PRKN: variants seen among roughly 807,000 people sequenced by gnomAD.
The protein encoded by PRKN is parkin RBR E3 ubiquitin protein ligase.
A neutral mutation model predicts 59.5 loss-of-function variants in PRKN; 56 were observed. The observed-to-expected ratio is 0.94, with a 90% CI of 0.76 to 1.18. PRKN has a LOEUF of 1.18. Ranked by LOEUF, PRKN falls within the 50% of genes most tolerant of loss-of-function variation. The pLI, the probability that PRKN is intolerant of heterozygous loss-of-function variation, is 0.00. For missense variants in PRKN, 657 were observed against 596.4 expected, an observed-to-expected ratio of 1.10 and a Z score of -1.06; for synonymous variants, 250 against 222.1, an observed-to-expected ratio of 1.13 and a Z score of -1.12.
chr6:162,656,076 T>C (rs1778628952), intron 1 of PRKN, among the ~76,000 whole-genome samples: 1 of 152,142 alleles, frequency 6.6e-6, no homozygotes, highest in East Asian at 1.9e-4. Context: ...TAAATGCTAA[T>C]CTACATTCAA....
intron 5 of PRKN, among the ~76,000 whole-genome samples, chr6:161,975,936 C>T (rs755340367): frequency 6.6e-6 from 1 of 152,008 alleles, no homozygotes; most frequent in Non-Finnish European, 1.5e-5. Flanking sequence ...GACAGAGTCT[C>T]ACTCTATCGC....
At chr6:162,401,420 T>C (rs535467515) in intron 2 of PRKN, among the ~76,000 whole-genome samples, 1 of 152,276 alleles carries the variant, frequency 6.6e-6, no homozygotes, top group Admixed American at 6.5e-5. Context: ...CTATGGCATA[T>C]CATAGCTTAC....
At chr6:161,565,956 C>G (rs933324275) in intron 8 of PRKN, among the ~76,000 whole-genome samples, 1 of 152,162 alleles carries the variant, frequency 6.6e-6, no homozygotes, top group Non-Finnish European at 1.5e-5. Context: ...AAGCCCATGC[C>G]TACATCCAAG....
intron 1 of PRKN, among the ~76,000 whole-genome samples, chr6:162,517,669 T>C (rs1777922586): frequency 1.3e-5 from 2 of 152,130 alleles, no homozygotes; most frequent in Non-Finnish European, 2.9e-5. Context: ...CTAATCTTAG[T>C]TCAAGAGCCT....
chr6:161,705,145 C>T (rs954445186), intron 7 of PRKN, among the ~76,000 whole-genome samples: 2 of 152,140 alleles, frequency 1.3e-5, no homozygotes, highest in Non-Finnish European at 2.9e-5. Flanking sequence ...CTCAGATCCT[C>T]AACTATATAT....
chr6:161,811,081 T>C (rs1029809961), intron 6 of PRKN, among the ~76,000 whole-genome samples: 1 of 152,180 alleles, frequency 6.6e-6, no homozygotes, highest in Non-Finnish European at 1.5e-5. Flanking sequence ...TTTAAAGAAC[T>C]AGACAAACTA....
chr6:161,984,909 C>T lies in PRKN; in HGVS notation c.619-11492G>A, dbSNP rs1048406742. ...GACCCTGCTGGCCAGATGAAGCAGC[C>T]CTCCCTGACCTCTGACTCATTCCTG... On this transcript the variant is annotated intron_variant, in intron 5 of 11. Transcript: ENST00000366898. 2.0e-5 allele frequency among the ~76,000 whole-genome samples: 3 copies of T among 152,128 alleles called. No homozygotes were observed. The South Asian group carries it at 6.2e-4, about 32-fold the overall frequency.
intron 4 of PRKN, among the ~76,000 whole-genome samples, chr6:162,076,505 A>G (rs1211315053): frequency 1.3e-5 from 2 of 151,936 alleles, no homozygotes; most frequent in Non-Finnish European, 2.9e-5. Context: ...CTTTCCCCCG[A>G]TTGTGTTATA....
chr6:162,330,660 T>C lies in PRKN; in HGVS notation c.172-67895A>G, dbSNP rs573670824. Among the ~76,000 whole-genome samples the C allele has an allele frequency of 3.3e-5, 5 of 152,346 alleles. 1 individual carries two copies. The East Asian group carries it at 7.7e-4, about 24-fold the overall frequency. ...AAACTAAACAGGTAGTGCTTTCACA[T>C]GCCACTAGAGATTTCCTTCTACTTC... On this transcript the variant is annotated intron_variant, in intron 2 of 11. Coordinates refer to ENST00000366898, the MANE Select transcript of PRKN (RefSeq NM_004562.3).
chr6:162,635,081 T>C (rs1777656975), intron 1 of PRKN, among the ~76,000 whole-genome samples: 1 of 152,202 alleles, frequency 6.6e-6, no homozygotes, highest in South Asian at 2.1e-4. Context: ...AAGAACAAAG[T>C]ATCTTTTTAC....
chr6:161,464,353 T>C (rs1052777328), intron 9 of PRKN, among the ~76,000 whole-genome samples: 1 of 152,230 alleles, frequency 6.6e-6, no homozygotes, highest in African/African-American at 2.4e-5. Flanking sequence ...GGAAAACTGA[T>C]GGAGTTGGCC....
At position 162,519,364 on chromosome 6, in the gene PRKN, T is replaced by C. The variant is rs138578989; in HGVS notation, c.8-75891A>G. Among the ~76,000 whole-genome samples, 607 of 152,270 alleles carry C rather than the reference T, an allele frequency of 4.0e-3. 4 individuals carry two copies. Among genetic ancestry groups the C allele is most frequent in the Non-Finnish European group, 5.9e-3 (403 of 68,016 alleles). On this transcript the variant is annotated intron_variant, in intron 1 of 11. Transcript: ENST00000366898. The stretch of plus-strand genomic sequence containing the variant: ...CTTGAGCGCTAGTGTGTCAAATCAA[T>C]TGAGCATTCAGGGCTCTGGGCCAGT...
In PRKN at chr6:162,521,655, A is replaced by G. The variant is rs544089100; in HGVS notation, c.8-78182T>C. Among the ~76,000 whole-genome samples the G allele has an allele frequency of 4.6e-5, 7 of 152,272 alleles. No individual in the cohort carries two copies. The East Asian group carries it at 1.4e-3, about 29-fold the overall frequency. ...AATTCCATATATTTACATTATAAGC[A>G]TATTATATATGTGTGTATGTGTATA... On this transcript the variant is annotated intron_variant, in intron 1 of 11. Coordinates refer to ENST00000366898, the MANE Select transcript of PRKN (RefSeq NM_004562.3).
rs1781291506 is a variant in PRKN, at chr6:161,982,353, C to T, written c.619-8936G>A. Among the ~76,000 whole-genome samples the T allele has an allele frequency of 2.3e-5, 3 of 128,770 alleles. 1 individual carries two copies. The Admixed American group carries it at 2.4e-4, about 10-fold the overall frequency. 84.5% of individuals were successfully genotyped at this position (128,770 alleles called of 152,430 possible). A position where few individuals can be genotyped will look rare whatever the true frequency, so the allele number is the denominator to read the frequency against. On this transcript the variant is annotated intron_variant, in intron 5 of 11. Coordinates refer to ENST00000366898, the MANE Select transcript of PRKN (RefSeq NM_004562.3). ...CCCAAGGTAATTTACAGATTCAATG[C>T]CATCCCCATCAAGCTACCAATGACT... is the stretch of plus-strand genomic sequence containing the variant.
intron 4 of PRKN, among the ~76,000 whole-genome samples, chr6:162,143,497 C>T (rs754631200): frequency 6.6e-6 from 1 of 152,146 alleles, no homozygotes; most frequent in Non-Finnish European, 1.5e-5. Flanking sequence ...TATGACCAGA[C>T]TTCTACTACA....
At chr6:162,373,950 T>C (rs903874087) in intron 2 of PRKN, among the ~76,000 whole-genome samples, 4 of 152,144 alleles carry the variant, frequency 2.6e-5, no homozygotes, top group East Asian at 1.9e-4. Flanking sequence ...AACAGTTGTA[T>C]TGGTTACACC....
At chr6:162,078,799 A>T (rs939807219) in intron 4 of PRKN, among the ~76,000 whole-genome samples, 6 of 152,112 alleles carry the variant, frequency 3.9e-5, no homozygotes, top group African/African-American at 1.5e-4. Flanking sequence ...TAAGATAGGG[A>T]CATCACAACT....
intron 9 of PRKN, among the ~76,000 whole-genome samples, chr6:161,416,358 A>G (rs1787851178): frequency 6.6e-6 from 1 of 152,112 alleles, no homozygotes; most frequent in African/African-American, 2.4e-5. Context: ...AGGAGAGCGC[A>G]CACACTGGGG....
chr6:162,098,768 G>C (rs1779849123), intron 4 of PRKN, among the ~76,000 whole-genome samples: 1 of 152,154 alleles, frequency 6.6e-6, no homozygotes, highest in African/African-American at 2.4e-5. Context: ...TGAGAATTAA[G>C]GGTTAACTTG....
Sources: gnomAD v4.1 joint callset for allele counts (sites outside exome capture counted in the v4.1 genomes callset) on GRCh38, gnomAD v4.1.1 for gene constraint, MANE v1.5 for transcripts, NCBI Gene and HGNC (gene_info 2026-07-23, HGNC 2026-07-21) for gene names.